The following ATAD2B variants were observed in gnomAD, a reference collection of about 807,000 sequenced individuals.
ATAD2B encodes ATPase family AAA domain containing 2B.
In ATAD2B, 40 loss-of-function variants were observed where a neutral mutation model predicts 167.6. The observed-to-expected ratio is 0.24, with a 90% CI of 0.19 to 0.31. ATAD2B has a LOEUF of 0.31. Ranked by LOEUF, ATAD2B falls within the 10% of genes least tolerant of loss-of-function variation. The pLI is 1.00. For synonymous variants in ATAD2B, 579 were observed against 596.5 expected (o/e 0.97, Z 0.43); for missense variants, 1,242 against 1,757.2 (o/e 0.71, Z 5.24).
chr2:23,795,756 G>C (rs1682507447), intron 19 of ATAD2B, among the ~76,000 whole-genome samples: 1 of 151,924 alleles, frequency 6.6e-6, no homozygotes, highest in Non-Finnish European at 1.5e-5. Context: ...GCAGGTGTCT[G>C]TAATCCCAGC....
chr2:23,770,207 T>G (rs1399313183), intron 22 of ATAD2B, among the ~76,000 whole-genome samples: 1 of 151,170 alleles, frequency 6.6e-6, no homozygotes, highest in African/African-American at 2.4e-5. Flanking sequence ...TCTCAGCTAC[T>G]CGGGAGGCTG....
chr2:23,731,158 C>A, the ATAD2B span, among the ~76,000 whole-genome samples: 2 of 152,130 alleles, frequency 1.3e-5, no homozygotes, highest in East Asian at 1.9e-4. Flanking sequence ...TCTATGAATT[C>A]ATAATAATAC....
At chr2:23,881,547 G>C (rs6722671) in intron 6 of ATAD2B, among the ~76,000 whole-genome samples, 1 of 151,420 alleles carries the variant, frequency 6.6e-6, no homozygotes, top group East Asian at 1.9e-4. Flanking sequence ...ATTTTTAGTA[G>C]AGATGGGGTT....
the ATAD2B span, among the ~76,000 whole-genome samples, chr2:23,739,142 G>A: frequency 3.5e-4 from 53 of 152,214 alleles, no homozygotes; most frequent in East Asian, 4.6e-3. Context: ...ACAGATCAAC[G>A]AGACAGGAAG....
intron 12 of ATAD2B, among the ~76,000 whole-genome samples, chr2:23,858,053 A>AT (rs1269125145): frequency 2.0e-5 from 3 of 150,182 alleles, no homozygotes; most frequent in Non-Finnish European, 4.4e-5. Context: ...ACCAAAGAGT[A>AT]TTTTTTAAAC....
At chr2:23,839,152 T>C (rs990089139) in intron 13 of ATAD2B, among the ~76,000 whole-genome samples, 9 of 152,140 alleles carry the variant, frequency 5.9e-5, no homozygotes, top group African/African-American at 2.2e-4. Context: ...ACAGGTTGCT[T>C]TGCAATTCCT....
chr2:23,810,537 C>T, intron 17 of ATAD2B, 35 bp from the exon 18 acceptor site: 1 of 1,532,298 alleles, frequency 6.5e-7, no homozygotes, highest in Non-Finnish European at 8.9e-7. Context: ...ATTTCAAAGG[C>T]ATACATTCTG....
the ATAD2B span, among the ~76,000 whole-genome samples, chr2:23,683,601 C>G: frequency 4.6e-5 from 7 of 152,210 alleles, no homozygotes; most frequent in Non-Finnish European, 1.0e-4. Flanking sequence ...TGTGCCAGCC[C>G]CAGGTCCAAG....
chr2:23,802,132 A>G (rs1351389522), intron 18 of ATAD2B, among the ~76,000 whole-genome samples: 1 of 152,050 alleles, frequency 6.6e-6, no homozygotes, highest in Non-Finnish European at 1.5e-5. Context: ...TGTCTCAATC[A>G]CTTAATAGTA....
At chr2:23,878,927 A>G (rs780026207) in intron 7 of ATAD2B, among the ~76,000 whole-genome samples, 1 of 152,208 alleles carries the variant, frequency 6.6e-6, no homozygotes. Flanking sequence ...ACAAATGAAA[A>G]GATGCTCCAA....
intron 17 of ATAD2B, among the ~76,000 whole-genome samples, chr2:23,817,001 C>T (rs1188913710): frequency 6.6e-6 from 1 of 152,090 alleles, no homozygotes; most frequent in Non-Finnish European, 1.5e-5. Context: ...TTATTCTGGC[C>T]GAGCACCTTT....
Position 23,750,100 on chromosome 2 carries a change from C to A in ATAD2B, c.*1946G>T, listed in dbSNP as rs961683068. On this transcript the variant is annotated 3_prime_UTR_variant, in exon 28 of 28. Transcript: ENST00000238789. ...TATTAGACAATAAAATAGTTTGAAT[C>A]GGTATGATGGTAATAAATACTAAAG... 3.9e-5 allele frequency: 6 copies of A among 151,996 alleles called. No homozygotes were observed. The highest frequency in any genetic ancestry group is 7.4e-5 in the Non-Finnish European group (5 of 67,984). The allele number at this position is 151,996 out of a possible 1,614,324, so 9.4% of individuals were successfully genotyped here.
rs921434202 is a variant in ATAD2B at position 23,751,914 on chromosome 2, G to C, written c.*132C>G. On this transcript the variant is annotated 3_prime_UTR_variant, in exon 28 of 28. Transcript: ENST00000238789. ...AGACAATAGCACCAAATTCAACAGA[G>C]AGAAAGAATGAGTGAGAGAGCACTT... is the stretch of plus-strand genomic sequence containing the variant. 16 of 739,482 alleles carry C rather than the reference G, an allele frequency of 2.2e-5. No homozygotes were observed. The highest frequency in any genetic ancestry group is 3.6e-5 in the Non-Finnish European group (16 of 447,024). The allele number at this position is 739,482 out of a possible 1,614,324, so 45.8% of individuals were successfully genotyped here. A position where few individuals can be genotyped will look rare whatever the true frequency, so the allele number is the denominator to read the frequency against.
chr2:23,780,950 TAAC>T (rs1679934223), intron 22 of ATAD2B, among the ~76,000 whole-genome samples: 1 of 152,120 alleles, frequency 6.6e-6, no homozygotes, highest in African/African-American at 2.4e-5. Context: ...TATCTTTAGA[TAAC>T]AAAAACTTAA....
At chr2:23,721,738 A>G in the ATAD2B span, among the ~76,000 whole-genome samples, 1 of 151,964 alleles carries the variant, frequency 6.6e-6, no homozygotes, top group Non-Finnish European at 1.5e-5. Context: ...GTCAGCAGAC[A>G]TGTCTCCAGG....
chr2:23,888,077 C>CA, intron 3 of ATAD2B, 92 bp from the exon 4 acceptor site: 1 of 1,107,878 alleles, frequency 9.0e-7, no homozygotes, highest in Non-Finnish European at 1.2e-6. Flanking sequence ...TAAAAGACTA[C>CA]AAAAAATTTA....
intron 1 of ATAD2B, among the ~76,000 whole-genome samples, chr2:23,916,941 C>A (rs1351241460): frequency 6.6e-6 from 1 of 152,160 alleles, no homozygotes; most frequent in African/African-American, 2.4e-5. Flanking sequence ...TAAGTACATA[C>A]CATGAAGCAG....
chr2:23,692,088 G>A, the ATAD2B span, among the ~76,000 whole-genome samples: 712 of 152,344 alleles, frequency 4.7e-3, 7 homozygotes, highest in Non-Finnish European at 3.5e-3. Flanking sequence ...AGAGGACTCC[G>A]TGTCATTTCT....
intron 2 of ATAD2B, among the ~76,000 whole-genome samples, chr2:23,890,826 A>C (rs1415168280): frequency 6.6e-6 from 1 of 152,218 alleles, no homozygotes; most frequent in South Asian, 2.1e-4. Flanking sequence ...GCTCTAAAGA[A>C]GACAATGCTT....
Sources: allele counts gnomAD v4.1 joint callset (sites outside exome capture counted in the v4.1 genomes callset), GRCh38; gene constraint gnomAD v4.1.1; transcripts MANE v1.5; gene names NCBI Gene and HGNC (gene_info 2026-07-23, HGNC 2026-07-21).